NBAS: variants seen among roughly 807,000 people sequenced by gnomAD.
The protein encoded by NBAS is NAG/BC035112 fusion.
NBAS carries 219 observed loss-of-function variants against 302.5 expected under a neutral mutation model. The observed-to-expected ratio is 0.72, with a 90% CI of 0.65 to 0.81. The LOEUF is 0.81. Among genes scored for constraint, NBAS ranks in the 30% least tolerant of loss-of-function variants. NBAS has a pLI of 0.00. For missense variants in NBAS, 2,932 were observed against 2,841.6 expected, an observed-to-expected ratio of 1.03 and a Z score of -0.72; for synonymous variants, 1,118 against 1,021.6, an observed-to-expected ratio of 1.09 and a Z score of -1.80.
intron 11 of NBAS, among the ~76,000 whole-genome samples, chr2:15,495,473 A>C (rs185940491): frequency 2.6e-5 from 4 of 152,340 alleles, no homozygotes; most frequent in Admixed American, 2.6e-4. Context: ...TTTAAGAGAA[A>C]AAAAAGATGA....
chr2:14,953,469 G>C, the NBAS span, among the ~76,000 whole-genome samples: 1 of 152,242 alleles, frequency 6.6e-6, no homozygotes, highest in Non-Finnish European at 1.5e-5. Flanking sequence ...CAATGAAAGG[G>C]TGCAGTCACC....
In NBAS at chr2:15,218,929, C is replaced by T; in HGVS notation, c.6276G>A (p.Leu2092=). 1.2e-6 allele frequency: 2 copies of T among 1,614,258 alleles called. No homozygotes were observed. Among genetic ancestry groups the T allele is most frequent in the Non-Finnish European group, 1.7e-6 (2 of 1,180,042 alleles). Reference sequence around the variant, plus strand: ...AGGCGTCATCAGCACAGAAAGGCCGCAGCCACTCCAGCAGGTCCTCAGGTG... The same window carrying T: ...AGGCGTCATCAGCACAGAAAGGCCGTAGCCACTCCAGCAGGTCCTCAGGTG... ...LVSPEDLLEW[L]RPFCADDAWP... Residue 2092 remains leucine, a synonymous_variant, in exon 48 of 52, where the codon CTG becomes CTA. Coordinates refer to ENST00000281513, the MANE Select transcript of NBAS (RefSeq NM_015909.4).
chr2:15,249,129 C>T (rs568101684), intron 44 of NBAS, among the ~76,000 whole-genome samples: 1 of 152,268 alleles, frequency 6.6e-6, no homozygotes, highest in African/African-American at 2.4e-5. Flanking sequence ...ATCAAGTCAG[C>T]TTCATCCCGG....
chr2:14,980,034 A>G, the NBAS span, among the ~76,000 whole-genome samples: 1 of 152,244 alleles, frequency 6.6e-6, no homozygotes, highest in Admixed American at 6.5e-5. Context: ...TCAATATGTG[A>G]AATCTTACAA....
chr2:15,186,686 A>G (rs1056879385), intron 50 of NBAS, 56 bp downstream of exon 50: 2 of 1,611,006 alleles, frequency 1.2e-6, no homozygotes, highest in African/African-American at 2.7e-5. Flanking sequence ...CTTACAATAA[A>G]GAGTTCTGAT....
intron 44 of NBAS, among the ~76,000 whole-genome samples, chr2:15,262,804 T>TA (rs1668909923): frequency 6.6e-6 from 1 of 152,196 alleles, no homozygotes; most frequent in African/African-American, 2.4e-5. Flanking sequence ...TCTTTACTCA[T>TA]AGGGTGGCAT....
the NBAS span, among the ~76,000 whole-genome samples, chr2:15,114,452 CT>C: frequency 6.6e-6 from 1 of 152,052 alleles, no homozygotes; most frequent in African/African-American, 2.4e-5. Flanking sequence ...ACTTAATTAC[CT>C]TTTTTAGGTC....
the NBAS span, among the ~76,000 whole-genome samples, chr2:14,895,986 C>T: frequency 1.5e-5 from 2 of 137,088 alleles, no homozygotes; most frequent in Non-Finnish European, 3.1e-5. Flanking sequence ...CACGTGTTAC[C>T]TCCTGAGACT....
chr2:14,946,794 G>A, the NBAS span, among the ~76,000 whole-genome samples: 22 of 152,044 alleles, frequency 1.4e-4, no homozygotes, highest in African/African-American at 4.8e-4. Context: ...AAAACAAGTC[G>A]GAACAAATTC....
chr2:14,962,459 A>G, the NBAS span, among the ~76,000 whole-genome samples: 31,347 of 152,054 alleles, frequency 0.21, 3,353 homozygotes, highest in South Asian at 0.24. Context: ...AAAGCTGTAA[A>G]GAATCTACCC....
At chr2:15,212,170 C>T (rs1315647945) in intron 48 of NBAS, among the ~76,000 whole-genome samples, 7 of 152,164 alleles carry the variant, frequency 4.6e-5, no homozygotes, top group Non-Finnish European at 5.9e-5. Flanking sequence ...GCAGCTAGTA[C>T]CAACTTCAGG....
chr2:15,275,505 A>G lies in NBAS; in HGVS notation c.5703T>C (p.Phe1901=), dbSNP rs777563559. 1 of 1,614,178 alleles carries G rather than the reference A, an allele frequency of 6.2e-7. No homozygotes were observed. The highest frequency in any genetic ancestry group is 1.1e-5 in the South Asian group (1 of 91,072). ...TTACCTTGGTCACAGCTTTTGGAGA[A>G]AATGTAACTGCATCTACCACAGTGA... ...DLITVVDAVT[F]SPKAVTKLSV... The change falls in exon 44 of 52, where the codon TTT becomes TTC. Residue 1901 remains phenylalanine, a synonymous_variant. Transcript: ENST00000281513.
chr2:15,419,226 AG>A (rs1243831451), intron 23 of NBAS, among the ~76,000 whole-genome samples: 2 of 152,242 alleles, frequency 1.3e-5, no homozygotes, highest in Non-Finnish European at 2.9e-5. Flanking sequence ...ATAATTAAGC[AG>A]ACAGAATTTG....
chr2:15,412,504 G>C (rs2148452561), intron 25 of NBAS, among the ~76,000 whole-genome samples: 1 of 152,286 alleles, frequency 6.6e-6, no homozygotes, highest in South Asian at 2.1e-4. Flanking sequence ...TGTTAATGTA[G>C]CATAACTTAG....
the NBAS span, among the ~76,000 whole-genome samples, chr2:15,103,952 C>T: frequency 6.6e-6 from 1 of 152,088 alleles, no homozygotes; most frequent in African/African-American, 2.4e-5. Context: ...CTATCTCTTC[C>T]ACTGGATACT....
the NBAS span, among the ~76,000 whole-genome samples, chr2:14,874,072 G>A: frequency 4.6e-5 from 7 of 152,010 alleles, no homozygotes; most frequent in Non-Finnish European, 1.0e-4. Flanking sequence ...AGGAGAAAAA[G>A]CAAAGACACA....
the NBAS span, among the ~76,000 whole-genome samples, chr2:15,049,894 C>T: frequency 3.3e-5 from 5 of 152,202 alleles, no homozygotes; most frequent in Non-Finnish European, 7.3e-5. Context: ...AAAGCTGGAA[C>T]ACAGCTTTGT....
the NBAS span, among the ~76,000 whole-genome samples, chr2:14,929,937 G>A: frequency 6.6e-6 from 1 of 152,138 alleles, no homozygotes; most frequent in Non-Finnish European, 1.5e-5. Flanking sequence ...TTGTGATAGT[G>A]AGTTATCACA....
intron 50 of NBAS, among the ~76,000 whole-genome samples, chr2:15,186,152 ATG>A (rs1481296272): frequency 1.3e-5 from 2 of 150,570 alleles, no homozygotes; most frequent in Admixed American, 6.6e-5. Flanking sequence ...ACACTTATGT[ATG>A]TGTGTCTGTG....
Sources: allele counts gnomAD v4.1 joint callset (sites outside exome capture counted in the v4.1 genomes callset), GRCh38; gene constraint gnomAD v4.1.1; transcripts MANE v1.5; gene names NCBI Gene and HGNC (gene_info 2026-07-23, HGNC 2026-07-21).